WDR25: variants seen among roughly 807,000 people sequenced by gnomAD.
The protein encoded by WDR25 is WD repeat domain 25.
In WDR25, 35 loss-of-function variants were observed where a neutral mutation model predicts 47.7. That is an observed-to-expected ratio of 0.73 (90% confidence interval 0.56 to 0.97). The LOEUF is 0.97. Among genes scored for constraint, WDR25 ranks in the 50% least tolerant of loss-of-function variants. The probability of loss-of-function intolerance (pLI) is 0.00; values close to 1 mark genes in which losing one functional copy is unlikely to be tolerated. For missense variants in WDR25, 634 were observed against 704.7 expected (o/e 0.90, Z 1.14); for synonymous variants, 248 against 278.9 (o/e 0.89, Z 1.10).
chr14:100,526,151 T>C (rs2030122176), intron 5 of WDR25, 111 bp downstream of exon 5: 5 of 1,332,540 alleles, frequency 3.8e-6, no homozygotes, highest in Middle Eastern at 2.0e-4. Flanking sequence ...CTCACTGGAC[T>C]GAAATCTCCA....
At chr14:100,443,806 A>G (rs1898741692) in intron 2 of WDR25, among the ~76,000 whole-genome samples, 1 of 152,240 alleles carries the variant, frequency 6.6e-6, no homozygotes, top group East Asian at 1.9e-4. Context: ...TTTGGAAGGC[A>G]TGAGGAATAT....
intron 2 of WDR25, among the ~76,000 whole-genome samples, chr14:100,460,210 T>A (rs1050950166): frequency 2.6e-5 from 4 of 151,434 alleles, no homozygotes; most frequent in Admixed American, 2.6e-4. Context: ...CCTCCTGGGT[T>A]CATGCCATTC....
intron 4 of WDR25, among the ~76,000 whole-genome samples, chr14:100,489,974 C>G (rs1900508703): frequency 6.6e-6 from 1 of 152,220 alleles, no homozygotes; most frequent in Non-Finnish European, 1.5e-5. Context: ...TACATCTTTT[C>G]TTCCTACTTT....
chr14:100,481,303 G>C lies in WDR25; in HGVS notation c.971-2691G>C. 3.3e-6 allele frequency: 3 copies of C among 903,782 alleles called. No individual in the cohort carries two copies. In the Admixed American group the frequency reaches 6.2e-5, roughly 19 times the overall value. 56.0% of individuals were successfully genotyped at this position (903,782 alleles called of 1,614,324 possible). On this transcript the variant is annotated intron_variant, in intron 3 of 6. Coordinates refer to ENST00000402312, the MANE Select transcript of WDR25 (RefSeq NM_001161476.3). Reference sequence around the variant, plus strand: ...TACCATATACCATGTCTTATCAGTGGTCCCTGTCTCCCTTCTTGTACAATC... The same window carrying C: ...TACCATATACCATGTCTTATCAGTGCTCCCTGTCTCCCTTCTTGTACAATC...
intron 2 of WDR25, among the ~76,000 whole-genome samples, chr14:100,450,122 G>C (rs148626063): frequency 6.6e-6 from 1 of 152,180 alleles, no homozygotes; most frequent in Non-Finnish European, 1.5e-5. Context: ...TTGCTCCAAT[G>C]CTTAAAAAAC....
chr14:100,470,505 G>A (rs1899793313), intron 3 of WDR25, among the ~76,000 whole-genome samples: 1 of 77,270 alleles, frequency 1.3e-5, no homozygotes, highest in Admixed American at 1.5e-4. Context: ...GGGTGGGTGT[G>A]AGTGGGGTGT....
intron 4 of WDR25, among the ~76,000 whole-genome samples, chr14:100,484,846 TC>T (rs1900329766): frequency 6.6e-6 from 1 of 152,334 alleles, no homozygotes; most frequent in South Asian, 2.1e-4. Context: ...TGCAGGAGTT[TC>T]CCATCTGATC....
At chr14:100,456,235 C>A (rs1899200226) in intron 2 of WDR25, among the ~76,000 whole-genome samples, 1 of 152,118 alleles carries the variant, frequency 6.6e-6, no homozygotes, top group Non-Finnish European at 1.5e-5. Flanking sequence ...TAGTCCCAGC[C>A]ACTCAGGCTG....
chr14:100,396,275 C>T (rs946989397), intron 2 of WDR25, among the ~76,000 whole-genome samples: 17 of 152,124 alleles, frequency 1.1e-4, no homozygotes, highest in African/African-American at 3.6e-4. Flanking sequence ...TGCGCCCGGC[C>T]GAAATGTTTG....
intron 2 of WDR25, among the ~76,000 whole-genome samples, chr14:100,401,278 G>A (rs1246341997): frequency 6.6e-6 from 1 of 152,006 alleles, no homozygotes; most frequent in Non-Finnish European, 1.5e-5. Context: ...GCTTCTGCCG[G>A]CCTCCTCGTG....
chr14:100,484,024 T>A lies in WDR25; in HGVS notation c.1001T>A (p.Phe334Tyr), dbSNP rs771039893. 6.2e-7 allele frequency: 1 copy of A among 1,613,712 alleles called. No homozygotes were observed. Among genetic ancestry groups the A allele is most frequent in the Non-Finnish European group, 8.5e-7 (1 of 1,179,906 alleles). Residue 334 changes from phenylalanine to tyrosine, a missense_variant, in exon 4 of 7, where the codon TTT (phenylalanine) becomes TAT (tyrosine). Phe to Tyr is a conservative substitution (Grantham distance 22). Coordinates refer to ENST00000402312, the MANE Select transcript of WDR25 (RefSeq NM_001161476.3). ...CAGCTATTTAGTGGTCGAAGTGACT[T>A]TAGAATCACTACCTTGAAATTCCAT... ...GTQLFSGRSD[F>Y]RITTLKFHPK...
In WDR25 at chr14:100,449,886, C is replaced by CG. The variant is rs1035169082; in HGVS notation, c.823-18134dup. 6.6e-6 allele frequency among the ~76,000 whole-genome samples: 1 copy of CG among 152,170 alleles called. No individual in the cohort carries two copies. Among genetic ancestry groups the CG allele is most frequent in the Admixed American group, 6.5e-5 (1 of 15,286 alleles). ...TCTCCTGCTGTTACGCCATGTGCCACGACACCCTGCCTTCTCCCCTGCTCC... is the reference window on the plus strand; with the variant it reads ...TCTCCTGCTGTTACGCCATGTGCCACGGACACCCTGCCTTCTCCCCTGCTCC... On this transcript the variant is annotated intron_variant, in intron 2 of 6. Coordinates refer to ENST00000402312, the MANE Select transcript of WDR25 (RefSeq NM_001161476.3). This position sits in a 1 kb window ranked among gnomAD's most constrained non-coding sequence, Gnocchi z 4.2.
chr14:100,484,443 T>A (rs574363134), intron 4 of WDR25, among the ~76,000 whole-genome samples: 2 of 149,880 alleles, frequency 1.3e-5, no homozygotes, highest in Non-Finnish European at 2.9e-5. Flanking sequence ...CGGGTACAGA[T>A]GACTTTGGTA....
At chr14:100,429,208 C>G (rs1595528842) in intron 2 of WDR25, among the ~76,000 whole-genome samples, 1 of 152,230 alleles carries the variant, frequency 6.6e-6, no homozygotes. Context: ...CATCCACCTT[C>G]TAGAACTCTG....
intron 4 of WDR25, among the ~76,000 whole-genome samples, chr14:100,503,097 G>A (rs1050323016): frequency 1.3e-5 from 2 of 151,842 alleles, no homozygotes; most frequent in African/African-American, 4.8e-5. Flanking sequence ...TCAGAGGAGA[G>A]TTAGGAAACA....
chr14:100,513,970 C>G (rs1415213882), intron 4 of WDR25, among the ~76,000 whole-genome samples: 3 of 149,564 alleles, frequency 2.0e-5, no homozygotes, highest in East Asian at 1.9e-4. Flanking sequence ...GAGTCTCGCT[C>G]TGTGGCCCAG....
chr14:100,465,089 G>A (rs925592845), intron 2 of WDR25, among the ~76,000 whole-genome samples: 44 of 151,940 alleles, frequency 2.9e-4, no homozygotes, highest in African/African-American at 9.4e-4. Flanking sequence ...CTTCCTAGGA[G>A]TGATGGCCCT....
At chr14:100,395,368 C>A (rs1897234547) in intron 2 of WDR25, among the ~76,000 whole-genome samples, 1 of 152,182 alleles carries the variant, frequency 6.6e-6, no homozygotes, top group African/African-American at 2.4e-5. Flanking sequence ...ACAAGAGAAC[C>A]CACGGCAGAC....
chr14:100,491,061 G>A (rs1348127021), intron 4 of WDR25, among the ~76,000 whole-genome samples: 1 of 152,188 alleles, frequency 6.6e-6, no homozygotes, highest in Non-Finnish European at 1.5e-5. Context: ...TGGGGACGTG[G>A]TGGAGCCCCT....
Sources: allele counts gnomAD v4.1 joint callset (sites outside exome capture counted in the v4.1 genomes callset), GRCh38; gene constraint gnomAD v4.1.1; non-coding constraint Gnocchi (gnomAD v3.1); transcripts MANE v1.5; gene names NCBI Gene and HGNC (gene_info 2026-07-23, HGNC 2026-07-21).